Variants in SVIL observed in about 807,000 individuals in gnomAD.
The protein encoded by SVIL is supervillin.
In SVIL, 101 loss-of-function variants were observed where a neutral mutation model predicts 240.4. The ratio of observed to expected loss-of-function variants is 0.42; its 90% CI spans 0.36 to 0.50. SVIL has a LOEUF of 0.50. SVIL is among the 20% of genes least tolerant of loss of function. The probability of loss-of-function intolerance (pLI) is 0.01; values close to 1 mark genes in which losing one functional copy is unlikely to be tolerated. For synonymous variants in SVIL, 999 were observed against 1,100.0 expected (o/e 0.91, Z 1.82); for missense variants, 2,512 against 2,818.7 (o/e 0.89, Z 2.46).
At chr10:29,483,256 T>C (rs1224553219) in intron 27 of SVIL, 3 of 152,224 alleles carry the variant, frequency 2.0e-5, no homozygotes, top group African/African-American at 4.8e-5. Flanking sequence ...GCAAGCGATG[T>C]GGCAGATTGC....
intron 1 of SVIL, among the ~76,000 whole-genome samples, chr10:29,618,543 G>C (rs775620834): frequency 6.6e-6 from 1 of 152,094 alleles, no homozygotes; most frequent in African/African-American, 2.4e-5. Context: ...CAGCCTGGAC[G>C]CTCTTGACCA....
chr10:29,488,377 C>T (rs10826644), intron 23 of SVIL, among the ~76,000 whole-genome samples: 55,206 of 151,918 alleles, frequency 0.36, 11,911 homozygotes, highest in African/African-American at 0.58. Flanking sequence ...ACTCCAGACA[C>T]GTTCCTGCCT....
chr10:29,611,936 G>A (rs142866218), intron 1 of SVIL, among the ~76,000 whole-genome samples: 33 of 152,184 alleles, frequency 2.2e-4, no homozygotes, highest in Admixed American at 7.2e-4. Flanking sequence ...TGGACTTTAC[G>A]CTCCAGGAGA....
intron 6 of SVIL, among the ~76,000 whole-genome samples, chr10:29,542,669 CACAA>C (rs1952270660): frequency 6.6e-6 from 1 of 152,130 alleles, no homozygotes; most frequent in Non-Finnish European, 1.5e-5. Flanking sequence ...TTCTTTGTGT[CACAA>C]ACAATTGATT....
chr10:29,465,987 G>C (rs1320136934), intron 33 of SVIL, among the ~76,000 whole-genome samples: 1 of 151,810 alleles, frequency 6.6e-6, no homozygotes, highest in African/African-American at 2.4e-5. Context: ...AAAAAGAAAA[G>C]AAAAACCAAG....
rs773676892 is a variant in SVIL at position 29,486,102 on chromosome 10, G to A, written c.4762C>T (p.Leu1588Phe). ...DYWGKIPKCSLLQPKEVLVFD... is the reference protein window; with the variant it reads ...DYWGKIPKCSFLQPKEVLVFD... The stretch of plus-strand genomic sequence containing the variant: ...GACTGTACCTCTTTGGGTTGCAGAA[G>A]GGAGCACTTCGGAATTTTCCCCCAG... Residue 1588 changes from leucine (L) to phenylalanine (F), a missense_variant, in exon 26 of 38, where the codon CTT (leucine) becomes TTT (phenylalanine). This residue lies in a region of SVIL where 797 missense variants were observed against 925.3 expected (regional missense o/e 0.86). Coordinates refer to ENST00000355867, the MANE Select transcript of SVIL (RefSeq NM_021738.3). The A allele has an allele frequency of 6.2e-6, 10 of 1,614,096 alleles. No individual in the cohort carries two copies. Among genetic ancestry groups the A allele is most frequent in the Non-Finnish European group, 8.5e-6 (10 of 1,180,036 alleles).
intron 1 of SVIL, among the ~76,000 whole-genome samples, chr10:29,694,702 C>G (rs933291251): frequency 6.6e-6 from 1 of 152,168 alleles, no homozygotes; most frequent in African/African-American, 2.4e-5. Flanking sequence ...TCAAGTAATC[C>G]TTCCACCTCG....
At chr10:29,631,140 A>T (rs1330881204) in intron 1 of SVIL, among the ~76,000 whole-genome samples, 1 of 152,236 alleles carries the variant, frequency 6.6e-6, no homozygotes, top group African/African-American at 2.4e-5. Flanking sequence ...AGACTTGCCA[A>T]CAGAACTCCA....
intron 2 of SVIL, among the ~76,000 whole-genome samples, chr10:29,672,092 C>T (rs951838859): frequency 1.3e-5 from 2 of 152,210 alleles, no homozygotes; most frequent in Non-Finnish European, 2.9e-5. Context: ...CAAAATGGTA[C>T]CTGTAATTGC....
intron 32 of SVIL, among the ~76,000 whole-genome samples, chr10:29,469,599 G>A (rs1414279544): frequency 1.3e-5 from 2 of 152,218 alleles, no homozygotes; most frequent in African/African-American, 2.4e-5. Context: ...TACCGGGGGG[G>A]CCGGCCACCA....
Position 29,487,353 on chromosome 10 carries a change from C to T in SVIL, c.4349-54G>A. 10 of 1,596,310 alleles carry T rather than the reference C, an allele frequency of 6.3e-6. No homozygotes were observed. The Admixed American group carries it at 6.9e-5, about 11-fold the overall frequency. ...TTCCAGACAGAACGGGGATAGGACG[C>T]ACCCCATATCGGAAGCATCCCTGCT... On this transcript the variant is annotated intron_variant, in intron 23 of 37. Coordinates refer to ENST00000355867, the MANE Select transcript of SVIL (RefSeq NM_021738.3).
intron 1 of SVIL, among the ~76,000 whole-genome samples, chr10:29,604,297 T>G (rs1235946265): frequency 2.0e-5 from 3 of 148,468 alleles, no homozygotes; most frequent in Non-Finnish European, 4.5e-5. Context: ...CCTCCCGGGT[T>G]CAAGCAATTC....
intron 1 of SVIL, among the ~76,000 whole-genome samples, chr10:29,574,145 T>A (rs1031763206): frequency 6.6e-6 from 1 of 152,196 alleles, no homozygotes; most frequent in African/African-American, 2.4e-5. Context: ...CTAATCTTAC[T>A]CAGGGGCAAT....
At chr10:29,550,558 T>G (rs1443786911) in intron 6 of SVIL, 39 bp downstream of exon 6, 8 of 1,531,040 alleles carry the variant, frequency 5.2e-6, no homozygotes, top group South Asian at 5.1e-5. Context: ...GAAGGTATTG[T>G]CCTGCGTTCA....
intron 6 of SVIL, among the ~76,000 whole-genome samples, chr10:29,540,083 G>A (rs1032056870): frequency 6.6e-5 from 10 of 152,014 alleles, no homozygotes; most frequent in African/African-American, 2.4e-4. Context: ...TTTCATCCTG[G>A]CCCCACTAAA....
intron 6 of SVIL, among the ~76,000 whole-genome samples, chr10:29,537,463 T>A (rs977483596): frequency 2.0e-5 from 3 of 152,170 alleles, no homozygotes; most frequent in Non-Finnish European, 4.4e-5. Flanking sequence ...AGAAACATCA[T>A]GGGTAAGGAC....
chr10:29,593,113 A>C (rs1000798145), intron 1 of SVIL, among the ~76,000 whole-genome samples: 1 of 152,226 alleles, frequency 6.6e-6, no homozygotes, highest in Non-Finnish European at 1.5e-5. Context: ...AAATTTTTTG[A>C]TAGCAGCCAC....
intron 20 of SVIL, among the ~76,000 whole-genome samples, 167 bp downstream of exon 20, chr10:29,494,747 A>G (rs1179947309): frequency 6.6e-6 from 1 of 152,204 alleles, no homozygotes; most frequent in African/African-American, 2.4e-5. Flanking sequence ...TTCAAGAAAA[A>G]AATGTATTAT....
chr10:29,668,170 G>A (rs1959477310), intron 2 of SVIL, among the ~76,000 whole-genome samples: 1 of 152,110 alleles, frequency 6.6e-6, no homozygotes, highest in African/African-American at 2.4e-5. Context: ...AGATAATAAT[G>A]GGAACTCTCT....
Sources: allele counts gnomAD v4.1 joint callset (sites outside exome capture counted in the v4.1 genomes callset), GRCh38; gene constraint gnomAD v4.1.1; regional missense constraint gnomAD v4.1.1; transcripts MANE v1.5; gene names NCBI Gene and HGNC (gene_info 2026-07-23, HGNC 2026-07-21).